The following TNFSF4 variants were observed in gnomAD, a reference collection of about 807,000 sequenced individuals.
The protein encoded by TNFSF4 is tumor necrosis factor ligand superfamily member 4.
A neutral mutation model predicts 7.3 loss-of-function variants in TNFSF4; 4 were observed. The ratio of observed to expected loss-of-function variants is 0.55; its 90% confidence interval spans 0.27 to 1.25. The LOEUF (loss-of-function observed/expected upper bound fraction) is 1.25. Among genes scored for constraint, TNFSF4 ranks in the 50% most tolerant of loss-of-function variants. The probability of loss-of-function intolerance (pLI) is 0.12; values close to 1 mark genes in which losing one functional copy is unlikely to be tolerated. For missense variants in TNFSF4, 181 were observed against 208.8 expected, an observed-to-expected ratio of 0.87 and a Z score of 0.82; for synonymous variants, 76 against 83.7, an observed-to-expected ratio of 0.91 and a Z score of 0.50.
At chr1:173,207,442 T>G, upstream of TNFSF4, 1 of 308,514 alleles carries the variant, frequency 3.2e-6, no homozygotes, top group Non-Finnish European at 6.0e-6. Flanking sequence ...CTTTTTTTTT[T>G]TCCTCTGGGC....
the TNFSF4 span, chr1:173,417,703 T>C: frequency 6.6e-6 from 1 of 152,136 alleles, no homozygotes; most frequent in Non-Finnish European, 1.5e-5. Flanking sequence ...TTTTTAGTAC[T>C]ACTCCATCCT....
At chr1:173,202,744 G>A (rs1000075286) in intron 1 of TNFSF4, among the ~76,000 whole-genome samples, 1 of 152,096 alleles carries the variant, frequency 6.6e-6, no homozygotes, top group Non-Finnish European at 1.5e-5. Context: ...CACCTCCCCA[G>A]CTTTTCAGCT....
the TNFSF4 span, among the ~76,000 whole-genome samples, chr1:173,287,649 T>C: frequency 1.2e-4 from 19 of 152,158 alleles, no homozygotes; most frequent in African/African-American, 4.1e-4. Flanking sequence ...TTATTTATTA[T>C]ACCCCTAAAC....
chr1:173,291,270 A>C, the TNFSF4 span, among the ~76,000 whole-genome samples: 1 of 152,138 alleles, frequency 6.6e-6, no homozygotes, highest in Non-Finnish European at 1.5e-5. Flanking sequence ...AGCACTTACT[A>C]TCATGAGGAC....
At chr1:173,385,912 C>T in the TNFSF4 span, among the ~76,000 whole-genome samples, 1 of 152,130 alleles carries the variant, frequency 6.6e-6, no homozygotes, top group East Asian at 1.9e-4. Context: ...AAATTCTCAC[C>T]TGGTCATGTA....
At chr1:173,371,774 A>G in the TNFSF4 span, among the ~76,000 whole-genome samples, 2 of 152,220 alleles carry the variant, frequency 1.3e-5, no homozygotes, top group African/African-American at 4.8e-5. Flanking sequence ...CAGAGGAAGC[A>G]GAATGGTTCA....
chr1:173,187,149 A>C (rs1365083027), intron 2 of TNFSF4, among the ~76,000 whole-genome samples: 6 of 152,166 alleles, frequency 3.9e-5, no homozygotes, highest in Admixed American at 3.9e-4. Flanking sequence ...AAGAAGAGGC[A>C]ATGTTAACAC....
chr1:173,304,345 A>G, the TNFSF4 span, among the ~76,000 whole-genome samples: 3 of 151,948 alleles, frequency 2.0e-5, no homozygotes, highest in Admixed American at 6.6e-5. Context: ...TTTGGATTTT[A>G]TCCTGAAGGC....
At chr1:173,406,894 G>A in the TNFSF4 span, among the ~76,000 whole-genome samples, 99 of 152,310 alleles carry the variant, frequency 6.5e-4, no homozygotes, top group Middle Eastern at 0.01. Flanking sequence ...TGGCCGTGGG[G>A]TGAAAGTGAA....
the TNFSF4 span, among the ~76,000 whole-genome samples, chr1:173,337,054 C>A: frequency 6.6e-6 from 1 of 152,098 alleles, no homozygotes; most frequent in African/African-American, 2.4e-5. Context: ...AATGTAAAAG[C>A]TAATCTGCTA....
the TNFSF4 span, among the ~76,000 whole-genome samples, chr1:173,421,205 C>G: frequency 8.5e-5 from 13 of 152,138 alleles, no homozygotes; most frequent in Admixed American, 3.3e-4. Flanking sequence ...TCCCACGCAC[C>G]ATTAGGGACA....
chr1:173,195,961 C>T (rs114214210), intron 1 of TNFSF4, among the ~76,000 whole-genome samples: 1,543 of 152,290 alleles, frequency 0.01, 26 homozygotes, highest in African/African-American at 0.035. Flanking sequence ...GGGCTTCATG[C>T]CAACCAGTGG....
At chr1:173,329,442 A>G in the TNFSF4 span, among the ~76,000 whole-genome samples, 1 of 152,312 alleles carries the variant, frequency 6.6e-6, no homozygotes, top group South Asian at 2.1e-4. Context: ...TTTTATCTGC[A>G]GTTGGTTGAA....
the TNFSF4 span, among the ~76,000 whole-genome samples, chr1:173,214,220 C>T: frequency 1.2e-4 from 18 of 152,296 alleles, 1 homozygote; most frequent in African/African-American, 4.1e-4. Flanking sequence ...ACAGTTGAGA[C>T]GAACTGAGGC....
the TNFSF4 span, among the ~76,000 whole-genome samples, chr1:173,368,711 T>A: frequency 2.6e-5 from 4 of 152,146 alleles, no homozygotes; most frequent in Non-Finnish European, 5.9e-5. Context: ...GACAACAAGT[T>A]GGTTGACCCT....
chr1:173,419,068 T>G, the TNFSF4 span, among the ~76,000 whole-genome samples: 127 of 152,264 alleles, frequency 8.3e-4, no homozygotes, highest in South Asian at 2.3e-3. Flanking sequence ...GGCCGGGTGC[T>G]GTGGCTCACG....
At chr1:173,191,736 T>C (rs1340968559) in intron 1 of TNFSF4, among the ~76,000 whole-genome samples, 1 of 152,186 alleles carries the variant, frequency 6.6e-6, no homozygotes, top group African/African-American at 2.4e-5. Flanking sequence ...TTTGGAAAAG[T>C]TATAGCATTT....
chr1:173,219,695 CA>C, the TNFSF4 span, among the ~76,000 whole-genome samples: 1 of 151,582 alleles, frequency 6.6e-6, no homozygotes, highest in African/African-American at 2.4e-5. Flanking sequence ...CACACACACA[CA>C]CCATGCAATA....
At chr1:173,199,752 GT>G (rs1184973625) in intron 1 of TNFSF4, among the ~76,000 whole-genome samples, 1 of 152,160 alleles carries the variant, frequency 6.6e-6, no homozygotes, top group African/African-American at 2.4e-5. Context: ...TGTATAGAGT[GT>G]GCAAATTACA....
Sources: allele counts gnomAD v4.1 joint callset (sites outside exome capture counted in the v4.1 genomes callset), GRCh38; gene constraint gnomAD v4.1.1; transcripts MANE v1.5; gene names NCBI Gene and HGNC (gene_info 2026-07-23, HGNC 2026-07-21).